TMA16: variants seen among roughly 807,000 people sequenced by gnomAD.
The protein encoded by TMA16 is translation machinery-associated protein 16.
In TMA16, 26 loss-of-function variants were observed where a neutral mutation model predicts 27.1. The observed-to-expected ratio is 0.96, with a 90% CI of 0.70 to 1.33. The LOEUF (loss-of-function observed/expected upper bound fraction) is 1.33, where lower values mean the gene tolerates loss of function less well. Among genes scored for constraint, TMA16 ranks in the 40% most tolerant of loss-of-function variants. The probability of loss-of-function intolerance (pLI) is 0.00; values close to 1 mark genes in which losing one functional copy is unlikely to be tolerated. For missense variants in TMA16, 233 were observed against 241.4 expected, an observed-to-expected ratio of 0.97 and a Z score of 0.23; for synonymous variants, 71 against 81.9, an observed-to-expected ratio of 0.87 and a Z score of 0.72.
At chr4:163,511,221 T>C (rs938266363) in intron 2 of TMA16, among the ~76,000 whole-genome samples, 1 of 152,138 alleles carries the variant, frequency 6.6e-6, no homozygotes, top group Non-Finnish European at 1.5e-5. Flanking sequence ...TGACATGTTA[T>C]GTTGTCAGGG....
At position 163,514,047 on chromosome 4, in the gene TMA16, AACTGTCTTGGT is replaced by A; in HGVS notation, c.155-23_155-13del. ...TGCTTAAATGATGACTTGTGGGGTA[AACTGTCTTGGT>A]ACTTGTTGTTTATAGGTGAAAAACT... On this transcript the variant is annotated splice_polypyrimidine_tract_variant and intron_variant, in intron 3 of 6. Transcript: ENST00000358572. 6.5e-7 allele frequency: 1 copy of A among 1,540,664 alleles called. No homozygotes were observed. Among genetic ancestry groups the A allele is most frequent in the Non-Finnish European group, 8.8e-7 (1 of 1,131,254 alleles).
intron 1 of TMA16, among the ~76,000 whole-genome samples, chr4:163,496,703 T>C (rs1737558185): frequency 6.6e-6 from 1 of 152,098 alleles, no homozygotes; most frequent in Non-Finnish European, 1.5e-5. Context: ...ATTCAAGTGA[T>C]TCTCCTGCCT....
At chr4:163,496,559 C>T (rs1473765064) in intron 1 of TMA16, among the ~76,000 whole-genome samples, 1 of 152,046 alleles carries the variant, frequency 6.6e-6, no homozygotes, top group Admixed American at 6.6e-5. Flanking sequence ...CCACTCAACA[C>T]TTCTTTATGC....
At chr4:163,494,984 A>G in intron 1 of TMA16, 180 bp downstream of exon 1, 1 of 868,964 alleles carries the variant, frequency 1.2e-6, no homozygotes, top group Non-Finnish European at 1.7e-6. Flanking sequence ...CCCAGGCCCA[A>G]CGCCTGGACC....
At position 163,520,107 on chromosome 4, in the gene TMA16, C is replaced by T; in HGVS notation, c.*593C>T. 1 of 495,778 alleles carries T rather than the reference C, an allele frequency of 2.0e-6. No homozygotes were observed. The highest frequency in any genetic ancestry group is 2.2e-5 in the South Asian group (1 of 45,402). The allele number at this position is 495,778 out of a possible 1,614,324, so 30.7% of individuals were successfully genotyped here. A position where few individuals can be genotyped will look rare whatever the true frequency, so the allele number is the denominator to read the frequency against. On this transcript the variant is annotated 3_prime_UTR_variant, in exon 7 of 7. Coordinates refer to ENST00000358572, the MANE Select transcript of TMA16 (RefSeq NM_018352.3). ...TGATGATTGTTATGTTGATCTCCCA[C>T]AATTAATTTATCTTTTGACAAAGGG...
At chr4:163,517,241 T>G in intron 5 of TMA16, 193 bp from the exon 6 acceptor site, 4 of 590,464 alleles carry the variant, frequency 6.8e-6, no homozygotes, top group Non-Finnish European at 8.9e-6. Flanking sequence ...ATGCTAGAAT[T>G]TATCATTTAA....
In TMA16 at chr4:163,519,868, C is replaced by T; in HGVS notation, c.*354C>T. On this transcript the variant is annotated 3_prime_UTR_variant, in exon 7 of 7. Transcript: ENST00000358572. The stretch of plus-strand genomic sequence containing the variant: ...TGTGAAATGGACAGTAACCTGTTTC[C>T]TGAAAGATTCCTGTGGGTACTTTTT... 1 of 524,156 alleles carries T rather than the reference C, an allele frequency of 1.9e-6. No individual in the cohort carries two copies. The highest frequency in any genetic ancestry group is 3.4e-6 in the Non-Finnish European group (1 of 296,668). 32.5% of individuals were successfully genotyped at this position (524,156 alleles called of 1,614,324 possible).
At chr4:163,498,433 G>A (rs1001653177) in intron 1 of TMA16, among the ~76,000 whole-genome samples, 2 of 151,714 alleles carry the variant, frequency 1.3e-5, no homozygotes, top group Non-Finnish European at 2.9e-5. Flanking sequence ...GACTACAGGT[G>A]CCCGCCACCA....
intron 2 of TMA16, among the ~76,000 whole-genome samples, chr4:163,511,887 G>A (rs1411480392): frequency 6.6e-6 from 1 of 152,058 alleles, no homozygotes; most frequent in East Asian, 1.9e-4. Context: ...TTCTAGTTGT[G>A]TAAAATGGGA....
intron 1 of TMA16, 62 bp downstream of exon 1, chr4:163,494,866 A>G (rs1338915636): frequency 1.2e-6 from 2 of 1,605,210 alleles, no homozygotes; most frequent in African/African-American, 1.3e-5. Flanking sequence ...CTTGTTGAGC[A>G]GGCAGAGAGG....
intron 1 of TMA16, among the ~76,000 whole-genome samples, chr4:163,500,659 G>T (rs1477124841): frequency 6.6e-6 from 1 of 152,164 alleles, no homozygotes; most frequent in African/African-American, 2.4e-5. Context: ...ACAGGGACTG[G>T]CACAGAGTTT....
Position 163,519,653 on chromosome 4 carries a change from A to C in TMA16, c.*139A>C, listed in dbSNP as rs1164057697. On this transcript the variant is annotated 3_prime_UTR_variant, in exon 7 of 7. Transcript: ENST00000358572. ...TGAGAGTTTCATTTGCGTTTCAAAA[A>C]TGGTGTTATGATACTTATTTTAAAA... The C allele has an allele frequency of 7.3e-6, 6 of 825,674 alleles. No homozygotes were observed. The Admixed American group carries it at 2.3e-4, about 31-fold the overall frequency. 51.1% of individuals were successfully genotyped at this position (825,674 alleles called of 1,614,324 possible). A position where few individuals can be genotyped will look rare whatever the true frequency, so the allele number is the denominator to read the frequency against.
chr4:163,511,515 A>G (rs959589614), intron 2 of TMA16, among the ~76,000 whole-genome samples: 2 of 152,102 alleles, frequency 1.3e-5, no homozygotes, highest in African/African-American at 4.8e-5. Flanking sequence ...AAAATTTTAT[A>G]TAAAGAAGGT....
At chr4:163,496,223 C>T (rs927918613) in intron 1 of TMA16, among the ~76,000 whole-genome samples, 7 of 152,144 alleles carry the variant, frequency 4.6e-5, no homozygotes, top group Non-Finnish European at 8.8e-5. Flanking sequence ...GAGTTGGGCA[C>T]CTGTCTTTCC....
intron 1 of TMA16, among the ~76,000 whole-genome samples, chr4:163,499,449 A>C (rs1476380086): frequency 6.6e-6 from 1 of 152,096 alleles, no homozygotes; most frequent in Non-Finnish European, 1.5e-5. Context: ...TTTATGCTTA[A>C]ATGTGTTCTA....
At position 163,519,784 on chromosome 4, in the gene TMA16, C is replaced by G. The variant is rs567332467; in HGVS notation, c.*270C>G. The G allele has an allele frequency of 1.2e-5, 6 of 497,862 alleles. No individual in the cohort carries two copies. Among genetic ancestry groups the G allele is most frequent in the Admixed American group, 8.6e-5 (2 of 23,308 alleles). The allele number at this position is 497,862 out of a possible 1,614,324, so 30.8% of individuals were successfully genotyped here. On this transcript the variant is annotated 3_prime_UTR_variant, in exon 7 of 7. Coordinates refer to ENST00000358572, the MANE Select transcript of TMA16 (RefSeq NM_018352.3). Reference sequence around the variant, plus strand: ...TTCAGGCTGGGAGGGAGCAATATAACTAAGGACAAAAAATGTTTTGTTTTT... The same window carrying G: ...TTCAGGCTGGGAGGGAGCAATATAAGTAAGGACAAAAAATGTTTTGTTTTT...
At chr4:163,505,936 T>C (rs538865592) in intron 1 of TMA16, among the ~76,000 whole-genome samples, 1 of 152,312 alleles carries the variant, frequency 6.6e-6, no homozygotes, top group East Asian at 1.9e-4. Context: ...TTTTCTGGAA[T>C]AGGTATGTTG....
chr4:163,495,479 A>G (rs1737536299), intron 1 of TMA16, among the ~76,000 whole-genome samples: 1 of 152,196 alleles, frequency 6.6e-6, no homozygotes, highest in African/African-American at 2.4e-5. Flanking sequence ...AGCAAACATT[A>G]TCTAAGTTTT....
Position 163,507,129 on chromosome 4 carries a change from CAAG to C in TMA16, c.103_105del (p.Glu35del). 6.3e-7 allele frequency: 1 copy of C among 1,577,080 alleles called. No homozygotes were observed. The highest frequency in any genetic ancestry group is 8.6e-7 in the Non-Finnish European group (1 of 1,160,160). On this transcript the variant is annotated inframe_deletion, in exon 2 of 7. Coordinates refer to ENST00000358572, the MANE Select transcript of TMA16 (RefSeq NM_018352.3). The stretch of plus-strand genomic sequence containing the variant: ...TCAAATTACGAGAGAGGCCCACAAA[CAAG>C]AAAAAAAGGAAAAGTAAGTATCTTT...
Sources: gnomAD v4.1 joint callset for allele counts (sites outside exome capture counted in the v4.1 genomes callset) on GRCh38, gnomAD v4.1.1 for gene constraint, MANE v1.5 for transcripts, NCBI Gene and HGNC (gene_info 2026-07-23, HGNC 2026-07-21) for gene names.